The following PTPRD variants were observed in gnomAD, a reference collection of about 807,000 sequenced individuals.
The protein encoded by PTPRD is protein tyrosine phosphatase receptor type D.
PTPRD carries 34 observed loss-of-function variants against 214.5 expected under a neutral mutation model. The ratio of observed to expected loss-of-function variants is 0.16; its 90% CI spans 0.12 to 0.21. The LOEUF (loss-of-function observed/expected upper bound fraction) is 0.21. Ranked by LOEUF, PTPRD falls within the 10% of genes least tolerant of loss-of-function variation. PTPRD has a pLI of 1.00. For missense variants in PTPRD, 2,545 were observed against 2,398.7 expected, an observed-to-expected ratio of 1.06 and a Z score of -1.27; for synonymous variants, 1,128 against 845.7, an observed-to-expected ratio of 1.33 and a Z score of -5.79.
At chr9:9,531,733 T>C (rs923058470) in intron 8 of PTPRD, among the ~76,000 whole-genome samples, 50 of 152,142 alleles carry the variant, frequency 3.3e-4, no homozygotes, top group African/African-American at 1.2e-3. Context: ...ATATTTGTGC[T>C]CAAGGTTTTG....
chr9:10,062,783 C>G (rs1207053355), intron 3 of PTPRD, among the ~76,000 whole-genome samples: 1 of 151,822 alleles, frequency 6.6e-6, no homozygotes, highest in Non-Finnish European at 1.5e-5. Flanking sequence ...CTCATGCTTC[C>G]CAAAGGCTAA....
chr9:9,700,432 A>G (rs2097474744), intron 7 of PTPRD, among the ~76,000 whole-genome samples: 1 of 152,098 alleles, frequency 6.6e-6, no homozygotes. Flanking sequence ...ATTACACAGT[A>G]TTTCTAGAGT....
At chr9:10,284,265 G>T (rs986080285) in intron 3 of PTPRD, among the ~76,000 whole-genome samples, 22 of 152,188 alleles carry the variant, frequency 1.4e-4, no homozygotes, top group African/African-American at 5.3e-4. Flanking sequence ...AATCTCTGAT[G>T]CAAATGGTTC....
chr9:9,149,484 A>G (rs1290533922), intron 10 of PTPRD, among the ~76,000 whole-genome samples: 1 of 152,174 alleles, frequency 6.6e-6, no homozygotes, highest in Non-Finnish European at 1.5e-5. Context: ...GAAAGAATTT[A>G]TTGGTGGTGT....
chr9:10,115,016 AT>A (rs1476391936), intron 3 of PTPRD, among the ~76,000 whole-genome samples: 1 of 150,474 alleles, frequency 6.6e-6, no homozygotes, highest in Non-Finnish European at 1.5e-5. Flanking sequence ...TTCTTGGAGC[AT>A]TACTTATTGG....
chr9:9,828,941 T>C (rs1489778403), intron 5 of PTPRD, among the ~76,000 whole-genome samples: 1 of 151,964 alleles, frequency 6.6e-6, no homozygotes, highest in Non-Finnish European at 1.5e-5. Context: ...TAGACTTACA[T>C]AAATTTAAAA....
At chr9:10,397,907 C>T (rs961209575) in intron 2 of PTPRD, among the ~76,000 whole-genome samples, 3 of 151,922 alleles carry the variant, frequency 2.0e-5, no homozygotes, top group Non-Finnish European at 4.4e-5. Flanking sequence ...ATCATTTAAC[C>T]ATGCATTTCT....
In PTPRD at chr9:9,633,428, G is replaced by A. The variant is rs550530702; in HGVS notation, c.-286-58647C>T. Among the ~76,000 whole-genome samples, 6 of 152,236 alleles carry A rather than the reference G, an allele frequency of 3.9e-5. No homozygotes were observed. In the South Asian group the frequency reaches 1.2e-3, roughly 32 times the overall value. ...TCACCAAATATCAAAGAATTCAAAC[G>A]ACTTCCAAAATCTAGGCATGTTTTC... On this transcript the variant is annotated intron_variant, in intron 7 of 45. Transcript: ENST00000381196.
intron 14 of PTPRD, among the ~76,000 whole-genome samples, chr9:8,591,060 G>A (rs2094063869): frequency 6.6e-6 from 1 of 152,060 alleles, no homozygotes; most frequent in South Asian, 2.1e-4. Context: ...AGCCAGCAAA[G>A]GCCAGCTGAG....
At chr9:8,638,352 G>A (rs1263089198) in intron 12 of PTPRD, among the ~76,000 whole-genome samples, 1 of 151,830 alleles carries the variant, frequency 6.6e-6, no homozygotes. Flanking sequence ...TTGATGGTGT[G>A]TTCTGACTCT....
chr9:10,052,455 AG>A (rs1249087646), intron 3 of PTPRD, among the ~76,000 whole-genome samples: 1 of 151,916 alleles, frequency 6.6e-6, no homozygotes, highest in Non-Finnish European at 1.5e-5. Context: ...GAAAATACTG[AG>A]AAACCTGCCT....
rs149153288 is a variant in PTPRD at position 8,463,533 on chromosome 9, C to A, written c.3714+1933G>T. Among the ~76,000 whole-genome samples the A allele has an allele frequency of 1.4e-3, 214 of 151,912 alleles. 1 individual carries two copies. The highest frequency in any genetic ancestry group is 4.9e-3 in the African/African-American group (204 of 41,464). On this transcript the variant is annotated intron_variant, in intron 32 of 45. Coordinates refer to ENST00000381196, the MANE Select transcript of PTPRD (RefSeq NM_002839.4). Reference sequence around the variant, plus strand: ...TACCAAGAACCTTTAAGATAATAATCACGGTCCATTGAGATGGAAGTCTAA... The same window carrying A: ...TACCAAGAACCTTTAAGATAATAATAACGGTCCATTGAGATGGAAGTCTAA...
chr9:8,409,576 T>C (rs1467574985), intron 35 of PTPRD, among the ~76,000 whole-genome samples: 1 of 152,206 alleles, frequency 6.6e-6, no homozygotes, highest in African/African-American at 2.4e-5. Context: ...GAGTAACCTT[T>C]TTCAATAATG....
At chr9:9,560,893 G>A (rs2154292206) in intron 8 of PTPRD, among the ~76,000 whole-genome samples, 1 of 152,208 alleles carries the variant, frequency 6.6e-6, no homozygotes, top group East Asian at 1.9e-4. Flanking sequence ...TTCATGGTCA[G>A]TAGCTTAACT....
chr9:8,864,850 G>C (rs2098167830), intron 11 of PTPRD, among the ~76,000 whole-genome samples: 1 of 152,172 alleles, frequency 6.6e-6, no homozygotes, highest in African/African-American at 2.4e-5. Flanking sequence ...AAGGCATCAA[G>C]ACTACTATAT....
intron 3 of PTPRD, among the ~76,000 whole-genome samples, chr9:10,067,337 T>C (rs183025338): frequency 9.4e-4 from 143 of 152,010 alleles, no homozygotes; most frequent in Middle Eastern, 3.4e-3. Context: ...TAATGGCACG[T>C]GTTTCCAAAG....
intron 11 of PTPRD, among the ~76,000 whole-genome samples, chr9:8,945,321 G>C (rs935236508): frequency 2.7e-5 from 4 of 146,880 alleles, no homozygotes; most frequent in Admixed American, 2.0e-4. Context: ...ATATATATTT[G>C]GAAAAAAATC....
At chr9:10,407,679 A>G (rs2098386091) in intron 2 of PTPRD, among the ~76,000 whole-genome samples, 1 of 151,550 alleles carries the variant, frequency 6.6e-6, no homozygotes, top group Non-Finnish European at 1.5e-5. Context: ...GGGTTTCTAT[A>G]TCAGTATGTT....
chr9:9,388,459 C>T (rs2064662214), intron 9 of PTPRD, among the ~76,000 whole-genome samples: 1 of 152,134 alleles, frequency 6.6e-6, no homozygotes, highest in Non-Finnish European at 1.5e-5. Flanking sequence ...AAATGCATAG[C>T]ATGCTAATAA....
Sources: allele counts gnomAD v4.1 joint callset (sites outside exome capture counted in the v4.1 genomes callset), GRCh38; gene constraint gnomAD v4.1.1; transcripts MANE v1.5; gene names NCBI Gene and HGNC (gene_info 2026-07-23, HGNC 2026-07-21).